The following NOMO2 variants were observed in gnomAD, a reference collection of about 807,000 sequenced individuals.
NOMO2 encodes the protein NODAL modulator 2, also known as BOS complex subunit NOMO2.
NOMO2 carries 14 observed loss-of-function variants against 67.1 expected under a neutral mutation model. The observed-to-expected ratio is 0.21, with a 90% confidence interval of 0.14 to 0.33. The LOEUF (loss-of-function observed/expected upper bound fraction) is 0.33. Ranked by LOEUF, NOMO2 falls within the 10% of genes least tolerant of loss-of-function variation. The probability of loss-of-function intolerance (pLI) is 1.00; values close to 1 mark genes in which losing one functional copy is unlikely to be tolerated. For synonymous variants in NOMO2, 80 were observed against 305.9 expected (o/e 0.26, Z 7.71); for missense variants, 178 against 761.0 (o/e 0.23, Z 9.01).
chr16:18,561,193 A>AAAAAC (rs1201471341), intron 1 of NOMO2, among the ~76,000 whole-genome samples: 106 of 143,950 alleles, frequency 7.4e-4, no homozygotes, highest in Middle Eastern at 7.2e-3. Context: ...AAAAAAAAAA[A>AAAAAC]AAAAAAAAAA....
chr16:18,529,865 A>G (rs1176717775), intron 14 of NOMO2, among the ~76,000 whole-genome samples: 1 of 151,484 alleles, frequency 6.6e-6, no homozygotes, highest in Admixed American at 6.6e-5. Flanking sequence ...CTATAATCCC[A>G]GCACTCTGGG....
At chr16:18,557,014 C>A (rs553033312) in intron 2 of NOMO2, among the ~76,000 whole-genome samples, 2 of 151,890 alleles carry the variant, frequency 1.3e-5, no homozygotes, top group Non-Finnish European at 2.9e-5. Context: ...GTAATCCCAG[C>A]TATTCGGGAG....
chr16:18,551,014 C>T (rs1013331608), intron 4 of NOMO2, among the ~76,000 whole-genome samples: 2 of 150,844 alleles, frequency 1.3e-5, no homozygotes, highest in African/African-American at 2.4e-5. Flanking sequence ...AAAAATTAGC[C>T]AGGCATGGTG....
rs929900284 is a variant in NOMO2 at position 18,561,858 on chromosome 16, G to A, written c.165+18C>T. On this transcript the variant is annotated intron_variant, in intron 1 of 30. Coordinates refer to ENST00000622306, the MANE Select transcript of NOMO2 (RefSeq NM_173614.4). ...CCGGCCCGGCGACTCGGCGCCGGGCGGCGGGGCGGGCGCTCACCTCGATGA... is the reference window on the plus strand; with the variant it reads ...CCGGCCCGGCGACTCGGCGCCGGGCAGCGGGGCGGGCGCTCACCTCGATGA... 25 of 1,544,188 alleles carry A rather than the reference G, an allele frequency of 1.6e-5. No homozygotes were observed. In the African/African-American group the frequency reaches 1.9e-4, roughly 12 times the overall value.
At chr16:18,554,014 A>C (rs1402977789) in intron 3 of NOMO2, among the ~76,000 whole-genome samples, 1 of 149,544 alleles carries the variant, frequency 6.7e-6, no homozygotes, top group African/African-American at 2.5e-5. Context: ...CACCTGCTCT[A>C]CTGAAACATC....
chr16:18,535,266 G>T (rs1008883275), intron 11 of NOMO2, among the ~76,000 whole-genome samples: 47 of 150,666 alleles, frequency 3.1e-4, no homozygotes, highest in African/African-American at 1.1e-3. Context: ...GCAGTGAGCC[G>T]AGATGGCGCC....
At chr16:18,545,440 C>T (rs1359879442) in intron 6 of NOMO2, among the ~76,000 whole-genome samples, 2 of 151,754 alleles carry the variant, frequency 1.3e-5, no homozygotes, top group Non-Finnish European at 2.9e-5. Context: ...GAGAAAAACC[C>T]CCAAAACCAA....
At chr16:18,534,422 T>C (rs943493672) in intron 11 of NOMO2, among the ~76,000 whole-genome samples, 8 of 147,064 alleles carry the variant, frequency 5.4e-5, no homozygotes, top group African/African-American at 2.0e-4. Context: ...AAAAATGTAG[T>C]TGTGTTGCGC....
At chr16:18,553,234 A>C (rs1038477765) in intron 3 of NOMO2, among the ~76,000 whole-genome samples, 1 of 151,850 alleles carries the variant, frequency 6.6e-6, no homozygotes, top group Non-Finnish European at 1.5e-5. Flanking sequence ...ATCACACTCC[A>C]GCCTGGGCAA....
chr16:18,540,039 A>G (rs972615312), intron 9 of NOMO2, among the ~76,000 whole-genome samples: 2 of 151,530 alleles, frequency 1.3e-5, no homozygotes, highest in African/African-American at 4.8e-5. Context: ...CCTCATGGAG[A>G]CAGGGACTTT....
intron 3 of NOMO2, among the ~76,000 whole-genome samples, chr16:18,553,433 C>A (rs1488506516): frequency 2.0e-5 from 3 of 151,424 alleles, no homozygotes; most frequent in Non-Finnish European, 4.4e-5. Flanking sequence ...AAGTTCCCTG[C>A]ATGATAGCAT....
At chr16:18,535,222 C>T (rs967396210) in intron 11 of NOMO2, among the ~76,000 whole-genome samples, 8 of 147,092 alleles carry the variant, frequency 5.4e-5, no homozygotes, top group Non-Finnish European at 1.2e-4. Flanking sequence ...GAGGCTGGGG[C>T]AGGAGAATCA....
intron 15 of NOMO2, among the ~76,000 whole-genome samples, chr16:18,528,692 C>T (rs534647460): frequency 1.3e-5 from 2 of 151,658 alleles, no homozygotes; most frequent in African/African-American, 4.8e-5. Flanking sequence ...CAATGGCTCA[C>T]GCCTGTAATC....
At chr16:18,558,745 G>A (rs553637156) in intron 1 of NOMO2, 3 of 436,270 alleles carry the variant, frequency 6.9e-6, no homozygotes, top group South Asian at 3.2e-5. Flanking sequence ...AGTCTTCCAC[G>A]TGTTGTGTGG....
chr16:18,559,470 A>G (rs570915208), intron 1 of NOMO2, among the ~76,000 whole-genome samples: 2 of 152,144 alleles, frequency 1.3e-5, no homozygotes, highest in African/African-American at 2.4e-5. Context: ...AAGAAGATGT[A>G]CAAAGTGACT....
chr16:18,557,196 G>A (rs1387974118), intron 2 of NOMO2, among the ~76,000 whole-genome samples: 5 of 151,976 alleles, frequency 3.3e-5, no homozygotes, highest in Non-Finnish European at 1.5e-5. Flanking sequence ...ACAGAGGGAG[G>A]TAAAATTGGA....
chr16:18,550,745 T>A (rs898005722), intron 4 of NOMO2, among the ~76,000 whole-genome samples: 1 of 152,108 alleles, frequency 6.6e-6, no homozygotes, highest in African/African-American at 2.4e-5. Flanking sequence ...CGGAAGCAGA[T>A]GCACGCTCTC....
At chr16:18,539,617 T>A (rs1901502943) in intron 9 of NOMO2, among the ~76,000 whole-genome samples, 1 of 151,642 alleles carries the variant, frequency 6.6e-6, no homozygotes, top group African/African-American at 2.4e-5. Flanking sequence ...ATTAGCCAGG[T>A]GTGGTGGCAG....
intron 1 of NOMO2, among the ~76,000 whole-genome samples, chr16:18,561,173 T>TA (rs756246897): frequency 0.064 from 2,087 of 32,378 alleles, 216 homozygotes; most frequent in African/African-American, 0.075. Flanking sequence ...ACAACTTAAT[T>TA]AAAAAAAAAA....
Sources: allele counts gnomAD v4.1 joint callset (sites outside exome capture counted in the v4.1 genomes callset), GRCh38; gene constraint gnomAD v4.1.1; transcripts MANE v1.5; gene names NCBI Gene and HGNC (gene_info 2026-07-23, HGNC 2026-07-21).